The following DPYSL5 variants were observed in gnomAD, a reference collection of about 807,000 sequenced individuals.
The protein encoded by DPYSL5 is dihydropyrimidinase-related protein 5.
In DPYSL5, 9 loss-of-function variants were observed where a neutral mutation model predicts 58.4. That is an observed-to-expected ratio of 0.15 (90% CI 0.09 to 0.27). The LOEUF is 0.27. Ranked by LOEUF, DPYSL5 falls within the 10% of genes least tolerant of loss-of-function variation. The pLI is 1.00. For synonymous variants in DPYSL5, 293 were observed against 301.9 expected (o/e 0.97, Z 0.31); for missense variants, 499 against 770.6 (o/e 0.65, Z 4.17).
At chr2:26,861,888 C>T (rs2148110691) in intron 1 of DPYSL5, among the ~76,000 whole-genome samples, 1 of 152,228 alleles carries the variant, frequency 6.6e-6, no homozygotes, top group African/African-American at 2.4e-5. Context: ...TATATAATAC[C>T]TTATCTTGCT....
chr2:26,851,322 G>A (rs902720014), intron 1 of DPYSL5, among the ~76,000 whole-genome samples: 3 of 44,124 alleles, frequency 6.8e-5, no homozygotes, highest in Admixed American at 2.6e-4. Context: ...AAGGAATGCC[G>A]GTATGACCAG....
rs1558351508 is a variant in DPYSL5, at chr2:26,932,179, GAAAGAAAGAAAGAAAGAAAGAAAGAAAGA to G, written c.714+523_714+551del. 1.1e-3 allele frequency among the ~76,000 whole-genome samples: 78 copies of G among 73,306 alleles called. 8 individuals carry two copies. The highest frequency in any genetic ancestry group is 3.2e-3 in the African/African-American group (66 of 20,782). The allele number at this position is 73,306 out of a possible 152,430, so 48.1% of individuals were successfully genotyped here. ...AGAAAGAAAGAAAGAAAGAAAGAAAGAAAGAAAGAAAGAAAGAAAGAAAGAAAGAAAAGAAAGAAAGAAAGAAAGAAAGA... is the reference window on the plus strand; with the variant it reads ...AGAAAGAAAGAAAGAAAGAAAGAAAGAAAGAAAGAAAGAAAGAAAGAAAGA... On this transcript the variant is annotated intron_variant, in intron 6 of 12. Transcript: ENST00000288699.
At chr2:26,919,729 T>C (rs567674085) in intron 2 of DPYSL5, among the ~76,000 whole-genome samples, 1 of 152,218 alleles carries the variant, frequency 6.6e-6, no homozygotes, top group Admixed American at 6.5e-5. Flanking sequence ...CATGATCAGG[T>C]CTGGAATAGT....
chr2:26,893,340 G>A (rs896594399), intron 1 of DPYSL5, among the ~76,000 whole-genome samples: 2 of 152,184 alleles, frequency 1.3e-5, no homozygotes, highest in Admixed American at 6.5e-5. Context: ...TCTGACATGT[G>A]CCCTTACAAG....
rs765948548 is a variant in DPYSL5 at position 26,949,758 on chromosome 2, CAGAA to C, written c.*2767_*2770del. The C allele has an allele frequency of 6.6e-6, 1 of 152,494 alleles. No individual in the cohort carries two copies. The highest frequency in any genetic ancestry group is 1.5e-5 in the Non-Finnish European group (1 of 68,336). 9.4% of individuals were successfully genotyped at this position (152,494 alleles called of 1,614,324 possible). On this transcript the variant is annotated 3_prime_UTR_variant, in exon 13 of 13. Coordinates refer to ENST00000288699, the MANE Select transcript of DPYSL5 (RefSeq NM_020134.4). The stretch of plus-strand genomic sequence containing the variant: ...TGCCCGGGAGCTTCTAGATAGAAAT[CAGAA>C]AGAGATTCAAGGAGCCAAATGAGCG...
intron 1 of DPYSL5, among the ~76,000 whole-genome samples, chr2:26,873,666 A>G (rs555427174): frequency 5.8e-4 from 88 of 152,342 alleles, no homozygotes; most frequent in South Asian, 3.1e-3. Context: ...CTGTTTCTGT[A>G]TGGTGCATAA....
At chr2:26,857,832 A>G (rs888049164) in intron 1 of DPYSL5, among the ~76,000 whole-genome samples, 1 of 152,226 alleles carries the variant, frequency 6.6e-6, no homozygotes, top group African/African-American at 2.4e-5. Context: ...TGAAAAAAGT[A>G]AAGATAAGGC....
At chr2:26,856,009 G>A (rs368724056) in intron 1 of DPYSL5, among the ~76,000 whole-genome samples, 10 of 151,986 alleles carry the variant, frequency 6.6e-5, no homozygotes, top group Non-Finnish European at 8.8e-5. Flanking sequence ...TAAGTTTGCC[G>A]TATTGTCAAG....
intron 1 of DPYSL5, among the ~76,000 whole-genome samples, chr2:26,861,610 G>A (rs1160193107): frequency 6.6e-6 from 1 of 152,204 alleles, no homozygotes; most frequent in East Asian, 1.9e-4. Flanking sequence ...CGGATGATGG[G>A]TTAGGAAGCC....
chr2:26,858,142 C>G (rs1665923771), intron 1 of DPYSL5, among the ~76,000 whole-genome samples: 1 of 150,444 alleles, frequency 6.6e-6, no homozygotes, highest in Non-Finnish European at 1.5e-5. Context: ...TGTCTTTATA[C>G]AAACAAGTGA....
chr2:26,872,332 G>T (rs1035402800), intron 1 of DPYSL5, among the ~76,000 whole-genome samples: 1 of 152,220 alleles, frequency 6.6e-6, no homozygotes, highest in African/African-American at 2.4e-5. Context: ...TAGAGCACCA[G>T]ATGTAAATTT....
intron 1 of DPYSL5, among the ~76,000 whole-genome samples, chr2:26,885,270 C>T (rs1045148119): frequency 3.9e-5 from 6 of 152,140 alleles, no homozygotes; most frequent in Admixed American, 3.9e-4. Flanking sequence ...ACACCCATGA[C>T]GCTGGCCAAT....
rs1663754524 is a variant in DPYSL5, at chr2:26,887,676, G to A, written c.-4-10820G>A. 2.0e-5 allele frequency among the ~76,000 whole-genome samples: 3 copies of A among 150,216 alleles called. No individual in the cohort carries two copies. The Middle Eastern group carries it at 0.01, about 511-fold the overall frequency. ...TAAAAATGGGGGGCATGGAAGGAAGGATTTTTCTGTTTTCCCACAAGACAG... is the reference window on the plus strand; with the variant it reads ...TAAAAATGGGGGGCATGGAAGGAAGAATTTTTCTGTTTTCCCACAAGACAG... On this transcript the variant is annotated intron_variant, in intron 1 of 12. Transcript: ENST00000288699.
chr2:26,882,453 GTGTA>G (rs1178857980), intron 1 of DPYSL5, among the ~76,000 whole-genome samples: 386 of 151,286 alleles, frequency 2.6e-3, no homozygotes, highest in African/African-American at 9.0e-3. Context: ...GTGTGTGTGT[GTGTA>G]TGTGTGTGTA....
chr2:26,863,882 G>T (rs1343815834), intron 1 of DPYSL5, among the ~76,000 whole-genome samples: 1 of 152,118 alleles, frequency 6.6e-6, no homozygotes, highest in Non-Finnish European at 1.5e-5. Context: ...GAAAATTAAT[G>T]CACTGTCTGC....
chr2:26,931,761 A>G (rs1664995169), intron 6 of DPYSL5, 77 bp downstream of exon 6: 1 of 1,530,340 alleles, frequency 6.5e-7, no homozygotes, highest in Non-Finnish European at 9.0e-7. Flanking sequence ...TAATCCCAGC[A>G]CTTTGGGAGG....
intron 2 of DPYSL5, among the ~76,000 whole-genome samples, chr2:26,911,064 T>G (rs1312618327): frequency 6.7e-6 from 1 of 150,006 alleles, no homozygotes; most frequent in Non-Finnish European, 1.5e-5. Flanking sequence ...ACATGGTATG[T>G]GGTATCTATG....
intron 1 of DPYSL5, among the ~76,000 whole-genome samples, chr2:26,892,756 TGAGAGAGAGAGAGAGAGAGAGAGA>T (rs144430871): frequency 7.2e-6 from 1 of 138,742 alleles, no homozygotes; most frequent in Non-Finnish European, 1.6e-5. Flanking sequence ...TGGGTTTGTT[TGAGAGAGAGAGAGAGAGAGAGAGA>T]GAGAGAGAGA....
rs147693720 is a variant in DPYSL5, at chr2:26,940,065, C to A, written c.982C>A (p.Pro328Thr). The A allele has an allele frequency of 6.2e-5, 100 of 1,614,092 alleles. No individual in the cohort carries two copies. The highest frequency in any genetic ancestry group is 8.4e-5 in the Non-Finnish European group (99 of 1,180,054). Residue 328 changes from proline (P) to threonine (T), a missense_variant, in exon 9 of 13, where the codon CCT becomes ACT. By Grantham distance (38) the Pro-to-Thr change is conservative. Around this residue, in one of 3 missense-constraint regions of DPYSL5, gnomAD observed 404 missense variants for 647.6 expected, o/e 0.62. Transcript: ENST00000288699. ...GAACATCGTGGCATCAGATCACCGG[C>A]CTTTCACCACAAAGCAGAAAGCTAT... ...TLNIVASDHR[P>T]FTTKQKAMGK...
Sources: allele counts gnomAD v4.1 joint callset (sites outside exome capture counted in the v4.1 genomes callset), GRCh38; gene constraint gnomAD v4.1.1; regional missense constraint gnomAD v4.1.1; transcripts MANE v1.5; gene names NCBI Gene and HGNC (gene_info 2026-07-23, HGNC 2026-07-21).